ANKHD1: variants seen among roughly 807,000 people sequenced by gnomAD.
ANKHD1 encodes ankyrin repeat and KH domain-containing protein 1.
Under a neutral mutation model 230.5 loss-of-function variants are expected in ANKHD1, and 31 were observed. The observed-to-expected ratio is 0.13, with a 90% CI of 0.10 to 0.18. The LOEUF is 0.18. Among genes scored for constraint, ANKHD1 ranks in the 10% least tolerant of loss-of-function variants. The pLI, the probability that ANKHD1 is intolerant of heterozygous loss-of-function variation, is 1.00. For synonymous variants in ANKHD1, 1,074 were observed against 1,117.6 expected (o/e 0.96, Z 0.78); for missense variants, 2,256 against 3,071.3 (o/e 0.73, Z 6.27).
intron 22 of ANKHD1, among the ~76,000 whole-genome samples, chr5:140,512,481 A>C (rs1752814307): frequency 6.6e-6 from 1 of 152,146 alleles, no homozygotes; most frequent in African/African-American, 2.4e-5. Flanking sequence ...TGTTTGTTTA[A>C]TAGATTTATT....
chr5:140,535,374 T>C lies in ANKHD1; in HGVS notation c.6863T>C (p.Ile2288Thr). The change falls in exon 30 of 34, where the codon ATT (isoleucine) becomes ACT (threonine). Residue 2288 changes from isoleucine (I) to threonine (T), a missense_variant. Physicochemically the swap from Ile to Thr is moderately conservative, Grantham distance 89. Transcript: ENST00000360839. Reference protein sequence around the residue: ...VSTSPVGLPSIDPSGSSPSSS... With the variant: ...VSTSPVGLPSTDPSGSSPSSS... The stretch of plus-strand genomic sequence containing the variant: ...TGTTTTATTTCAGGGTTACCATCCA[T>C]TGACCCATCAGGCAGCTCCCCATCT... The C allele has an allele frequency of 6.2e-7, 1 of 1,607,556 alleles. No individual in the cohort carries two copies.
At chr5:140,423,659 T>G (rs988827365) in intron 1 of ANKHD1, among the ~76,000 whole-genome samples, 3 of 152,222 alleles carry the variant, frequency 2.0e-5, no homozygotes, top group African/African-American at 7.2e-5. Flanking sequence ...TATGTTTCAT[T>G]TAAGAGACCT....
intron 9 of ANKHD1, among the ~76,000 whole-genome samples, chr5:140,462,606 T>A (rs1775780973): frequency 6.6e-6 from 1 of 150,814 alleles, no homozygotes; most frequent in South Asian, 2.1e-4. Flanking sequence ...ACGCCTATAG[T>A]CCCGGCTACT....
chr5:140,528,765 T>C lies in ANKHD1; in HGVS notation c.5819T>C (p.Val1940Ala), dbSNP rs1205136001. 6.2e-7 allele frequency: 1 copy of C among 1,614,188 alleles called. No homozygotes were observed. The highest frequency in any genetic ancestry group is 1.1e-5 in the South Asian group (1 of 91,082). Residue 1940 changes from valine to alanine, a missense_variant, in exon 29 of 34, where the codon GTA (valine) becomes GCA (alanine). Physicochemically the swap from Val to Ala is moderately conservative, Grantham distance 64. Transcript: ENST00000360839. ...TASCPITVSS[V>A]VAASQQLCVT... ...AGTTGTCCTATCACTGTCTCTTCTG[T>C]AGTTGCTGCCAGTCAGCAACTGTGT...
chr5:140,539,118 T>G, intron 33 of ANKHD1, 35 bp downstream of exon 33: 3 of 1,568,220 alleles, frequency 1.9e-6, no homozygotes, highest in Non-Finnish European at 2.6e-6. Flanking sequence ...GTTTTTTAGA[T>G]TTGTCACATC....
chr5:140,524,161 G>A lies in ANKHD1; in HGVS notation c.4413G>A (p.Gln1471=). 6.3e-7 allele frequency: 1 copy of A among 1,599,884 alleles called. No individual in the cohort carries two copies. Among genetic ancestry groups the A allele is most frequent in the Non-Finnish European group, 8.5e-7 (1 of 1,176,052 alleles). ...KKKKEEQKRK[Q]EEDEENKPKE... The stretch of plus-strand genomic sequence containing the variant: ...AAAAAGAGGAACAGAAAAGGAAACA[G>A]GAAGAAGATGAAGAAAACAAACCTA... The change falls in exon 25 of 34, where the codon CAG becomes CAA. Residue 1471 remains glutamine, a synonymous_variant. Transcript: ENST00000360839.
chr5:140,509,669 T>C lies in ANKHD1; in HGVS notation c.3798T>C (p.Ser1266=). 2 of 1,597,680 alleles carry C rather than the reference T, an allele frequency of 1.3e-6. No individual in the cohort carries two copies. Among genetic ancestry groups the C allele is most frequent in the Non-Finnish European group, 1.7e-6 (2 of 1,174,038 alleles). The part of the protein sequence containing the change: ...TGLTPLMEAA[S]GGYAEVGRVL... Reference sequence around the variant, plus strand: ...TTACCCCCTTGATGGAAGCAGCTTCTGGAGGGTATGCAGAGGTTGGAAGAG... The same window carrying C: ...TTACCCCCTTGATGGAAGCAGCTTCCGGAGGGTATGCAGAGGTTGGAAGAG... The change falls in exon 21 of 34, where the codon TCT becomes TCC. Residue 1266 remains serine, a synonymous_variant. Coordinates refer to ENST00000360839, the MANE Select transcript of ANKHD1 (RefSeq NM_017747.3).
chr5:140,511,289 T>A (rs939122915), intron 22 of ANKHD1, among the ~76,000 whole-genome samples: 1 of 152,212 alleles, frequency 6.6e-6, no homozygotes, highest in African/African-American at 2.4e-5. Flanking sequence ...ACAAATCATT[T>A]ATGCTACTAT....
intron 14 of ANKHD1, among the ~76,000 whole-genome samples, chr5:140,493,246 G>T (rs1751886119): frequency 6.6e-6 from 1 of 152,156 alleles, no homozygotes; most frequent in South Asian, 2.1e-4. Flanking sequence ...TACATTTTTA[G>T]AAGAGACGGG....
chr5:140,454,180 A>C (rs1471717468), intron 7 of ANKHD1, among the ~76,000 whole-genome samples: 1 of 152,182 alleles, frequency 6.6e-6, no homozygotes, highest in Non-Finnish European at 1.5e-5. Flanking sequence ...ATATATATGC[A>C]CCCAATACAG....
At position 140,507,740 on chromosome 5, in the gene ANKHD1, A is replaced by G. The variant is rs1752600857; in HGVS notation, c.3552-45A>G. ...ATCTTTAATGCTTTTCTAAAATAAT[A>G]GGCAACATATTATTTTAATTTTCTA... On this transcript the variant is annotated intron_variant, in intron 19 of 33. Coordinates refer to ENST00000360839, the MANE Select transcript of ANKHD1 (RefSeq NM_017747.3). This position sits in a 1 kb window ranked among gnomAD's most constrained non-coding sequence, Gnocchi z 4.1. 6.3e-7 allele frequency: 1 copy of G among 1,594,162 alleles called. No homozygotes were observed. Among genetic ancestry groups the G allele is most frequent in the African/African-American group, 1.3e-5 (1 of 74,460 alleles).
At chr5:140,533,775 CAAAAAAAAAA>C (rs1167136822) in intron 29 of ANKHD1, among the ~76,000 whole-genome samples, 1 of 29,662 alleles carries the variant, frequency 3.4e-5, no homozygotes, top group African/African-American at 1.1e-4. Context: ...GACCCTGTCT[CAAAAAAAAAA>C]AAAAAAAAAA....
chr5:140,463,250 T>A (rs1775848913), intron 9 of ANKHD1, among the ~76,000 whole-genome samples: 1 of 152,154 alleles, frequency 6.6e-6, no homozygotes. Flanking sequence ...ATGTAAAAAT[T>A]GTCAGAAGAT....
chr5:140,519,622 C>T (rs1190810037), intron 24 of ANKHD1, among the ~76,000 whole-genome samples: 3 of 152,070 alleles, frequency 2.0e-5, no homozygotes, highest in Admixed American at 6.5e-5. Flanking sequence ...GAAATAACGC[C>T]GCATGTCTAC....
At chr5:140,434,263 A>T (rs1421108747) in intron 1 of ANKHD1, among the ~76,000 whole-genome samples, 1 of 151,948 alleles carries the variant, frequency 6.6e-6, no homozygotes, top group Non-Finnish European at 1.5e-5. Context: ...CTCTGTAGGT[A>T]TGTGGCCTGA....
chr5:140,472,817 A>C (rs1776579834), intron 10 of ANKHD1, among the ~76,000 whole-genome samples: 1 of 152,130 alleles, frequency 6.6e-6, no homozygotes, highest in Non-Finnish European at 1.5e-5. Flanking sequence ...ACTATTCTGA[A>C]ATTGGTTTTT....
chr5:140,437,750 G>T (rs1186127252), intron 2 of ANKHD1, among the ~76,000 whole-genome samples: 1 of 152,084 alleles, frequency 6.6e-6, no homozygotes, highest in South Asian at 2.1e-4. Context: ...TATTAAATTA[G>T]TCCCTCAAGT....
chr5:140,423,124 C>T (rs182636504), intron 1 of ANKHD1, among the ~76,000 whole-genome samples: 1 of 152,184 alleles, frequency 6.6e-6, no homozygotes, highest in African/African-American at 2.4e-5. Flanking sequence ...TTTGGAAGTT[C>T]TGGCCTTAAG....
intron 1 of ANKHD1, among the ~76,000 whole-genome samples, chr5:140,429,052 C>T (rs1772802602): frequency 6.7e-6 from 1 of 148,916 alleles, no homozygotes; most frequent in Admixed American, 6.7e-5. Context: ...TCCCAAAGTG[C>T]TGGGATTACA....
Sources: gnomAD v4.1 joint callset for allele counts (sites outside exome capture counted in the v4.1 genomes callset) on GRCh38, gnomAD v4.1.1 for gene constraint, Gnocchi (gnomAD v3.1) non-coding constraint, MANE v1.5 for transcripts, NCBI Gene and HGNC (gene_info 2026-07-23, HGNC 2026-07-21) for gene names.